OTUD7A: variants seen among roughly 807,000 people sequenced by gnomAD.
OTUD7A encodes OTU deubiquitinase 7A.
In OTUD7A, 12 loss-of-function variants were observed where a neutral mutation model predicts 65.7. That is an observed-to-expected ratio of 0.18 (90% CI 0.12 to 0.30). The LOEUF (loss-of-function observed/expected upper bound fraction) is 0.30. Ranked by LOEUF, OTUD7A falls within the 10% of genes least tolerant of loss-of-function variation. OTUD7A has a pLI of 1.00. For missense variants in OTUD7A, 1,148 were observed against 1,304.8 expected (o/e 0.88, Z 1.85); for synonymous variants, 641 against 586.3 (o/e 1.09, Z -1.35).
chr15:31,685,827 G>C (rs1316395373), intron 1 of OTUD7A, among the ~76,000 whole-genome samples: 2 of 152,206 alleles, frequency 1.3e-5, no homozygotes, highest in Admixed American at 1.3e-4. Context: ...GATGGACATA[G>C]GGAATTCAGC....
intron 1 of OTUD7A, among the ~76,000 whole-genome samples, chr15:31,740,857 T>C (rs1326495300): frequency 2.0e-5 from 3 of 152,230 alleles, no homozygotes; most frequent in African/African-American, 7.2e-5. Context: ...ATACATCATG[T>C]GAATTGTAAC....
At chr15:31,619,610 T>C (rs888060862) in intron 3 of OTUD7A, among the ~76,000 whole-genome samples, 12 of 152,084 alleles carry the variant, frequency 7.9e-5, no homozygotes, top group African/African-American at 2.7e-4. Context: ...TTTTTACACA[T>C]TGATTTTGTA....
chr15:31,774,977 T>TAA (rs3046536), intron 1 of OTUD7A, among the ~76,000 whole-genome samples: 70,784 of 144,470 alleles, frequency 0.49, 19,054 homozygotes, highest in East Asian at 0.7. Context: ...AAAAGATAGT[T>TAA]AAAAAAAAAA....
chr15:31,595,836 C>T lies in OTUD7A; in HGVS notation c.152-25639G>A, dbSNP rs1264847731. Among the ~76,000 whole-genome samples, 12 of 152,300 alleles carry T rather than the reference C, an allele frequency of 7.9e-5. No individual in the cohort carries two copies. The East Asian group carries it at 2.1e-3, about 27-fold the overall frequency. ...GTAGCACTGAGTCCCTGTTTCCTTG[C>T]AGGCTGTCAGCTGGAGGTCACTGTC... On this transcript the variant is annotated intron_variant, in intron 3 of 12. Coordinates refer to ENST00000307050, the MANE Select transcript of OTUD7A (RefSeq NM_001382637.1).
intron 3 of OTUD7A, among the ~76,000 whole-genome samples, chr15:31,653,771 TAA>T (rs766845592): frequency 2.0e-5 from 3 of 150,922 alleles, no homozygotes; most frequent in African/African-American, 7.3e-5. Context: ...AAAATATAAG[TAA>T]AAAAAATAAA....
chr15:31,587,150 G>C (rs1889566650), intron 3 of OTUD7A, among the ~76,000 whole-genome samples: 1 of 152,080 alleles, frequency 6.6e-6, no homozygotes. Flanking sequence ...CCCGACATCA[G>C]CAAGTCCTTG....
At chr15:31,761,823 CA>C (rs1894972432) in intron 1 of OTUD7A, among the ~76,000 whole-genome samples, 1 of 152,092 alleles carries the variant, frequency 6.6e-6, no homozygotes, top group South Asian at 2.1e-4. Flanking sequence ...TATCAATCAG[CA>C]ATGAAAAGGA....
chr15:31,751,871 T>A (rs917696374), intron 1 of OTUD7A, among the ~76,000 whole-genome samples: 2 of 151,932 alleles, frequency 1.3e-5, no homozygotes, highest in African/African-American at 4.8e-5. Context: ...AAGACAGGAA[T>A]AACAGATGCC....
At chr15:31,827,120 C>G (rs1896816091) in intron 1 of OTUD7A, among the ~76,000 whole-genome samples, 1 of 152,216 alleles carries the variant, frequency 6.6e-6, no homozygotes, top group Non-Finnish European at 1.5e-5. Flanking sequence ...CAGCAACATC[C>G]CACTCTACTG....
chr15:31,735,716 A>G (rs1361175032), intron 1 of OTUD7A, among the ~76,000 whole-genome samples: 1 of 152,198 alleles, frequency 6.6e-6, no homozygotes, highest in Non-Finnish European at 1.5e-5. Flanking sequence ...CTGGGTATAT[A>G]CCCAAAGCAC....
At chr15:31,776,283 T>C (rs1270473460) in intron 1 of OTUD7A, among the ~76,000 whole-genome samples, 1 of 152,212 alleles carries the variant, frequency 6.6e-6, no homozygotes, top group Non-Finnish European at 1.5e-5. Context: ...TAGCGACACA[T>C]GTACTTCCTA....
chr15:31,547,836 A>G (rs1888180790), intron 5 of OTUD7A, among the ~76,000 whole-genome samples: 1 of 152,236 alleles, frequency 6.6e-6, no homozygotes, highest in Non-Finnish European at 1.5e-5. Context: ...TAAACAAAAC[A>G]CAAAACATTG....
chr15:31,834,358 T>C (rs946844768), intron 1 of OTUD7A, among the ~76,000 whole-genome samples: 4 of 152,252 alleles, frequency 2.6e-5, no homozygotes, highest in Non-Finnish European at 5.9e-5. Context: ...CCAACAGCTC[T>C]TTCCCCAGTC....
intron 1 of OTUD7A, among the ~76,000 whole-genome samples, chr15:31,825,241 G>A (rs1172539483): frequency 6.6e-6 from 1 of 152,222 alleles, no homozygotes; most frequent in East Asian, 1.9e-4. Context: ...ACCTGAGACT[G>A]CGCAATTTAC....
At chr15:31,630,958 C>T (rs1357625079) in intron 3 of OTUD7A, among the ~76,000 whole-genome samples, 3 of 152,394 alleles carry the variant, frequency 2.0e-5, no homozygotes, top group African/African-American at 7.2e-5. Context: ...TCCTCCATCC[C>T]TTTATTTTGA....
chr15:31,636,206 T>C (rs551432610), intron 3 of OTUD7A, among the ~76,000 whole-genome samples: 3 of 152,364 alleles, frequency 2.0e-5, no homozygotes, highest in Admixed American at 6.5e-5. Context: ...AGCAAGTTTA[T>C]TGGCATCATT....
intron 3 of OTUD7A, among the ~76,000 whole-genome samples, chr15:31,651,507 A>G (rs1051462995): frequency 6.6e-5 from 10 of 151,856 alleles, no homozygotes; most frequent in African/African-American, 2.4e-4. Context: ...TAGAGACTGG[A>G]AAGGAAGAAA....
chr15:31,713,951 G>A (rs1048968729), intron 1 of OTUD7A, among the ~76,000 whole-genome samples: 1 of 134,724 alleles, frequency 7.4e-6, no homozygotes, highest in African/African-American at 2.6e-5. Flanking sequence ...CCACCAGAAT[G>A]TCTAAAATTA....
At chr15:31,598,796 C>T (rs1889986056) in intron 3 of OTUD7A, among the ~76,000 whole-genome samples, 1 of 152,174 alleles carries the variant, frequency 6.6e-6, no homozygotes, top group Non-Finnish European at 1.5e-5. Context: ...CTGAGGTCGA[C>T]CTGGGGCACT....
Sources: gnomAD v4.1 joint callset for allele counts (sites outside exome capture counted in the v4.1 genomes callset) on GRCh38, gnomAD v4.1.1 for gene constraint, MANE v1.5 for transcripts, NCBI Gene and HGNC (gene_info 2026-07-23, HGNC 2026-07-21) for gene names.